Variants in CD80 observed in about 807,000 individuals in gnomAD.
The protein encoded by CD80 is T-lymphocyte activation antigen CD80.
A neutral mutation model predicts 27.1 loss-of-function variants in CD80; 13 were observed. The ratio of observed to expected loss-of-function variants is 0.48; its 90% confidence interval spans 0.31 to 0.76. The LOEUF (loss-of-function observed/expected upper bound fraction) is 0.76. CD80 is among the 30% of genes least tolerant of loss of function. The pLI is 0.04. For synonymous variants in CD80, 125 were observed against 125.5 expected (o/e 1.00, Z 0.03); for missense variants, 277 against 347.9 (o/e 0.80, Z 1.62).
chr3:119,529,028 G>A (rs1364832266), intron 5 of CD80, among the ~76,000 whole-genome samples: 11 of 150,554 alleles, frequency 7.3e-5, no homozygotes, highest in Admixed American at 6.6e-4. Context: ...TGCAGTCTCC[G>A]CCTCCTGGGT....
chr3:119,537,838 A>T (rs1369606994), intron 3 of CD80, among the ~76,000 whole-genome samples: 1 of 152,186 alleles, frequency 6.6e-6, no homozygotes, highest in East Asian at 1.9e-4. Flanking sequence ...ATAAAATGAG[A>T]TATAATTTGC....
chr3:119,555,364 T>C (rs946938333), intron 2 of CD80, among the ~76,000 whole-genome samples: 68 of 152,324 alleles, frequency 4.5e-4, no homozygotes, highest in African/African-American at 1.5e-3. Context: ...TACAGTATTA[T>C]GCAAAATAGA....
chr3:119,529,924 A>T lies in CD80; in HGVS notation c.714T>A (p.His238Gln). Residue 238 changes from histidine (H) to glutamine (Q), a missense_variant, in exon 5 of 7, where the codon CAT becomes CAA. His to Gln is a conservative substitution (Grantham distance 24, BLOSUM62 0). Transcript: ENST00000264246. ...AGGATGGGAGCAGGTTATCAGGAAA[A>T]TGCTCTTGCTTGGCTATGGAGGGAA... ...TFNWNTTKQE[H>Q]FPDNLLPSWA... 6.2e-7 allele frequency: 1 copy of T among 1,612,866 alleles called. No individual in the cohort carries two copies. The highest frequency in any genetic ancestry group is 2.2e-5 in the East Asian group (1 of 44,846).
rs1336057408 is a variant in CD80, at chr3:119,527,930, G to A, written c.797-89C>T. The A allele has an allele frequency of 4.4e-6, 5 of 1,129,742 alleles. No homozygotes were observed. The East Asian group carries it at 9.5e-5, about 21-fold the overall frequency. 70.0% of individuals were successfully genotyped at this position (1,129,742 alleles called of 1,614,324 possible). ...TAATATTTACTTTAGCAAGGCTTCA[G>A]ACTGGCTTAGAACTGGAGCAGTTGT... On this transcript the variant is annotated intron_variant, in intron 5 of 6. Transcript: ENST00000264246.
At chr3:119,552,513 CAAAA>C (rs11369803) in intron 2 of CD80, among the ~76,000 whole-genome samples, 3 of 31,288 alleles carry the variant, frequency 9.6e-5, no homozygotes, top group African/African-American at 2.1e-4. Flanking sequence ...GACTCTGTCT[CAAAA>C]AAAAAAAAAA....
chr3:119,554,446 T>C (rs574147342), intron 2 of CD80, among the ~76,000 whole-genome samples: 2 of 152,316 alleles, frequency 1.3e-5, no homozygotes, highest in African/African-American at 4.8e-5. Flanking sequence ...TTGGTCCCTC[T>C]GAGGGCTGCC....
intron 1 of CD80, among the ~76,000 whole-genome samples, chr3:119,558,638 C>T (rs1205256860): frequency 1.3e-5 from 2 of 152,050 alleles, no homozygotes; most frequent in Non-Finnish European, 2.9e-5. Flanking sequence ...TGGTGGGTGC[C>T]TGTAATCCCA....
chr3:119,544,789 G>A lies in CD80; in HGVS notation c.179C>T (p.Ala60Val). The A allele has an allele frequency of 1.2e-6, 2 of 1,614,176 alleles. No homozygotes were observed. Among genetic ancestry groups the A allele is most frequent in the Non-Finnish European group, 1.7e-6 (2 of 1,180,030 alleles). ...CGHNVSVEEL[A>V]QTRIYWQKEK... is the part of the protein sequence containing the mutation. ...CTTTTGCCAGTAGATGCGAGTTTGT[G>A]CCAGCTCTTCAACAGAAACATTGTG... Residue 60 changes from alanine to valine, a missense_variant, in exon 3 of 7, where the codon GCA becomes GTA. Coordinates refer to ENST00000264246, the MANE Select transcript of CD80 (RefSeq NM_005191.4).
Position 119,529,837 on chromosome 3 carries a change from C to CT in CD80, c.796+4dup. The CT allele has an allele frequency of 6.4e-7, 1 of 1,573,388 alleles. No individual in the cohort carries two copies. The highest frequency in any genetic ancestry group is 8.7e-7 in the Non-Finnish European group (1 of 1,143,054). ...AGATCAGGATGATGGTATGATAGTACTTACAGTAGGTCAGGCAGCATATCA... is the reference window on the plus strand; with the variant it reads ...AGATCAGGATGATGGTATGATAGTACTTTACAGTAGGTCAGGCAGCATATCA... On this transcript the variant is annotated splice_donor_region_variant and intron_variant, in intron 5 of 6. Coordinates refer to ENST00000264246, the MANE Select transcript of CD80 (RefSeq NM_005191.4).
intron 4 of CD80, among the ~76,000 whole-genome samples, chr3:119,533,915 C>A (rs776828655): frequency 2.0e-5 from 3 of 152,116 alleles, no homozygotes; most frequent in Non-Finnish European, 4.4e-5. Context: ...CCTATAAATG[C>A]ATTATTTGCT....
Position 119,525,178 on chromosome 3 carries a change from G to GA in CD80, c.*609dup, listed in dbSNP as rs369633101. 6.6e-6 allele frequency: 1 copy of GA among 151,998 alleles called. No individual in the cohort carries two copies. The highest frequency in any genetic ancestry group is 1.5e-5 in the Non-Finnish European group (1 of 67,996). 9.4% of individuals were successfully genotyped at this position (151,998 alleles called of 1,614,324 possible). On this transcript the variant is annotated 3_prime_UTR_variant, in exon 7 of 7. Transcript: ENST00000264246. The stretch of plus-strand genomic sequence containing the variant: ...AGAGAGCAGCAATAGAGAACACAAT[G>GA]AAAAAAATGGAATACTGGGTAAACA...
At chr3:119,540,842 A>T (rs1306594499) in intron 3 of CD80, among the ~76,000 whole-genome samples, 1 of 152,080 alleles carries the variant, frequency 6.6e-6, no homozygotes, top group Non-Finnish European at 1.5e-5. Flanking sequence ...TGAGGTCAGG[A>T]GTTTGAGACC....
chr3:119,529,699 A>C (rs2082098837), intron 5 of CD80, 143 bp downstream of exon 5: 2 of 616,710 alleles, frequency 3.2e-6, no homozygotes. Flanking sequence ...TGTTGAGACA[A>C]GTAAAGGAGA....
At chr3:119,549,677 G>A (rs1297048995) in intron 2 of CD80, among the ~76,000 whole-genome samples, 1 of 152,208 alleles carries the variant, frequency 6.6e-6, no homozygotes, top group African/African-American at 2.4e-5. Context: ...GAACAAGAGA[G>A]TTTTGTGATG....
intron 2 of CD80, among the ~76,000 whole-genome samples, chr3:119,546,286 G>A (rs994380352): frequency 2.6e-5 from 4 of 152,158 alleles, no homozygotes; most frequent in African/African-American, 9.7e-5. Flanking sequence ...GCAAGGTGCT[G>A]TTGCCCACCT....
chr3:119,542,255 A>C (rs540309040), intron 3 of CD80, among the ~76,000 whole-genome samples: 1 of 151,996 alleles, frequency 6.6e-6, no homozygotes, highest in Non-Finnish European at 1.5e-5. Context: ...CCAAGAGCAG[A>C]GAAAACACTG....
intron 2 of CD80, among the ~76,000 whole-genome samples, chr3:119,550,030 A>G (rs761224618): frequency 6.6e-6 from 1 of 152,196 alleles, no homozygotes; most frequent in Non-Finnish European, 1.5e-5. Flanking sequence ...CCTTGGGATC[A>G]CTGGAAAATT....
At chr3:119,532,293 G>A (rs2082115209) in intron 4 of CD80, among the ~76,000 whole-genome samples, 1 of 152,064 alleles carries the variant, frequency 6.6e-6, no homozygotes, top group Non-Finnish European at 1.5e-5. Context: ...CCTGAGGTCA[G>A]GAGTTCGAGA....
At chr3:119,539,899 G>A (rs2082158033) in intron 3 of CD80, among the ~76,000 whole-genome samples, 1 of 152,142 alleles carries the variant, frequency 6.6e-6, no homozygotes, top group Non-Finnish European at 1.5e-5. Context: ...ATAAGATAGG[G>A]ACACTAATAC....
Sources: allele counts gnomAD v4.1 joint callset (sites outside exome capture counted in the v4.1 genomes callset), GRCh38; gene constraint gnomAD v4.1.1; transcripts MANE v1.5; gene names NCBI Gene and HGNC (gene_info 2026-07-23, HGNC 2026-07-21).